Variants in ANK3 observed in about 807,000 individuals in gnomAD.
ANK3 encodes the protein ankyrin 3.
Under a neutral mutation model 370.9 loss-of-function variants are expected in ANK3, and 57 were observed. That is an observed-to-expected ratio of 0.15 (90% CI 0.12 to 0.19). ANK3 has a LOEUF of 0.19. Among genes scored for constraint, ANK3 ranks in the 10% least tolerant of loss-of-function variants. The pLI is 1.00. For missense variants in ANK3, 4,439 were observed against 5,302.1 expected, an observed-to-expected ratio of 0.84 and a Z score of 5.06; for synonymous variants, 1,929 against 1,946.3, an observed-to-expected ratio of 0.99 and a Z score of 0.23.
intron 1 of ANK3, among the ~76,000 whole-genome samples, chr10:60,726,891 G>A (rs548250020): frequency 4.6e-5 from 7 of 151,828 alleles, no homozygotes; most frequent in Middle Eastern, 3.4e-3. Flanking sequence ...TAACATCAAC[G>A]TCTTTTTTCA....
chr10:60,145,830 T>G (rs777810277), intron 23 of ANK3: 1 of 584,176 alleles, frequency 1.7e-6, no homozygotes, highest in African/African-American at 1.9e-5. Context: ...GGGCTTTGTC[T>G]GTTTTGCTTC....
At chr10:60,393,628 G>C (rs1247966396), upstream of ANK3, among the ~76,000 whole-genome samples, 2 of 152,128 alleles carry the variant, frequency 1.3e-5, no homozygotes, top group African/African-American at 4.8e-5. Flanking sequence ...TCACAGCCAA[G>C]TATTTCTCCC....
chr10:60,576,203 G>A (rs1567159423), intron 2 of ANK3, among the ~76,000 whole-genome samples: 1 of 152,124 alleles, frequency 6.6e-6, no homozygotes. Flanking sequence ...GGATTATAAT[G>A]TTCCCACACT....
chr10:60,107,746 T>TAC lies in ANK3; in HGVS notation c.3173+1082_3173+1083dup, dbSNP rs147933796. 3.3e-3 allele frequency among the ~76,000 whole-genome samples: 508 copies of TAC among 151,784 alleles called. 3 individuals carry two copies. Among genetic ancestry groups the TAC allele is most frequent in the African/African-American group, 0.011 (459 of 41,364 alleles). On this transcript the variant is annotated intron_variant, in intron 27 of 43. Coordinates refer to ENST00000280772, the MANE Select transcript of ANK3 (RefSeq NM_020987.5). Reference sequence around the variant, plus strand: ...CTCATGTACTTTTAAAAGATCTAATTACACACACACACACATGCGCACGCG... The same window carrying TAC: ...CTCATGTACTTTTAAAAGATCTAATTACACACACACACACACATGCGCACGCG...
intron 1 of ANK3, among the ~76,000 whole-genome samples, chr10:60,705,627 G>T (rs1344443601): frequency 2.6e-5 from 4 of 151,966 alleles, no homozygotes; most frequent in African/African-American, 9.7e-5. Flanking sequence ...TAGAGTAGCT[G>T]TGTTTCTTCC....
rs190576434 is a variant in ANK3, at chr10:60,414,147, A to G, written c.97-134508T>C. 2.9e-3 allele frequency among the ~76,000 whole-genome samples: 439 copies of G among 152,278 alleles called. 3 individuals are homozygous for G. Among genetic ancestry groups the G allele is most frequent in the African/African-American group, 9.7e-3 (404 of 41,552 alleles). On this transcript the variant is annotated intron_variant, in intron 2 of 43. Coordinates refer to the ANK3 transcript ENST00000373827. ...TTGTGATTTGAAAAAAGTGGTTTCA[A>G]TTAGTCTCACATCACAGAATCAATG...
chr10:60,561,740 C>CT (rs1470356503), intron 2 of ANK3, among the ~76,000 whole-genome samples: 4 of 152,210 alleles, frequency 2.6e-5, no homozygotes, highest in African/African-American at 7.2e-5. Flanking sequence ...CACCACAAGG[C>CT]CTTTCCCAAG....
intron 16 of ANK3, among the ~76,000 whole-genome samples, chr10:60,187,300 C>T (rs1400849448): frequency 1.3e-5 from 2 of 151,796 alleles, no homozygotes; most frequent in African/African-American, 2.4e-5. Context: ...GGACTACAGG[C>T]GCCTGCCACC....
chr10:60,581,219 C>T (rs1263600692), intron 2 of ANK3, among the ~76,000 whole-genome samples: 1 of 152,122 alleles, frequency 6.6e-6, no homozygotes, highest in African/African-American at 2.4e-5. Flanking sequence ...AACTGAAGCC[C>T]CATTTTACAC....
intron 42 of ANK3, chr10:60,051,456 T>C: frequency 1.0e-6 from 1 of 978,028 alleles, no homozygotes; most frequent in Non-Finnish European, 1.2e-6. Context: ...TGCCACATAA[T>C]GATCCAGCTA....
chr10:60,285,948 C>A (rs1277254682), intron 1 of ANK3, among the ~76,000 whole-genome samples: 1 of 152,152 alleles, frequency 6.6e-6, no homozygotes, highest in African/African-American at 2.4e-5. Flanking sequence ...CCCTCAAACC[C>A]CCTTCCAGAA....
intron 1 of ANK3, among the ~76,000 whole-genome samples, chr10:60,385,957 G>T (rs1180872253): frequency 6.6e-6 from 1 of 152,186 alleles, no homozygotes; most frequent in East Asian, 1.9e-4. Context: ...GGCATGACAC[G>T]CAGGTAACAT....
intron 11 of ANK3, among the ~76,000 whole-genome samples, chr10:60,203,491 A>C (rs1284649238): frequency 6.6e-6 from 1 of 152,204 alleles, no homozygotes; most frequent in Admixed American, 6.5e-5. Context: ...ATACTAGTAA[A>C]AAGTCAACTT....
At chr10:60,279,450 A>C (rs2098132479) in intron 2 of ANK3, 88 bp downstream of exon 2, 4 of 1,053,954 alleles carry the variant, frequency 3.8e-6, no homozygotes, top group African/African-American at 1.6e-5. Context: ...ATGGAAAAAA[A>C]CCCCACAAAT....
At chr10:60,690,599 G>T (rs2079338113) in intron 1 of ANK3, among the ~76,000 whole-genome samples, 1 of 151,972 alleles carries the variant, frequency 6.6e-6, no homozygotes, top group East Asian at 1.9e-4. Context: ...TGAGGATTTT[G>T]TTGTGCTTCT....
intron 1 of ANK3, among the ~76,000 whole-genome samples, chr10:60,670,416 C>T (rs1207923370): frequency 6.6e-6 from 1 of 152,128 alleles, no homozygotes; most frequent in Non-Finnish European, 1.5e-5. Flanking sequence ...TCGCTTATCA[C>T]CAAGACCTGT....
chr10:60,621,677 GT>G (rs1434827646), intron 1 of ANK3, among the ~76,000 whole-genome samples: 1 of 151,922 alleles, frequency 6.6e-6, no homozygotes, highest in Admixed American at 6.6e-5. Context: ...CACATTTATT[GT>G]TAGCAATTTT....
At chr10:60,064,327 T>C (rs760626818) in intron 38 of ANK3, 39 bp from the exon 39 acceptor site, 2 of 1,536,682 alleles carry the variant, frequency 1.3e-6, no homozygotes. Context: ...TTGCATATTC[T>C]ACTTTTATCA....
chr10:60,313,859 C>G lies in ANK3; in HGVS notation c.115-34220G>C, dbSNP rs142597747. Reference sequence around the variant, plus strand: ...TCAGAGAGATTTATCCTGAATATCTCAGCTAAAAAAAATAGCACCTCCAGC... The same window carrying G: ...TCAGAGAGATTTATCCTGAATATCTGAGCTAAAAAAAATAGCACCTCCAGC... On this transcript the variant is annotated intron_variant, in intron 1 of 43. Coordinates refer to ENST00000280772, the MANE Select transcript of ANK3 (RefSeq NM_020987.5). Among the ~76,000 whole-genome samples the G allele has an allele frequency of 1.1e-4, 17 of 151,694 alleles. No homozygotes were observed. In the East Asian group the frequency reaches 2.3e-3, roughly 21 times the overall value.
Sources: gnomAD v4.1 joint callset for allele counts (sites outside exome capture counted in the v4.1 genomes callset) on GRCh38, gnomAD v4.1.1 for gene constraint, MANE v1.5 for transcripts, NCBI Gene and HGNC (gene_info 2026-07-23, HGNC 2026-07-21) for gene names.